ELOVL6: variants seen among roughly 807,000 people sequenced by gnomAD.
ELOVL6 encodes the protein ELOVL fatty acid elongase 6, also known as very long chain fatty acid elongase 6.
Under a neutral mutation model 31.7 loss-of-function variants are expected in ELOVL6, and 8 were observed. That is an observed-to-expected ratio of 0.25 (90% CI 0.15 to 0.45). The LOEUF is 0.45. Among genes scored for constraint, ELOVL6 ranks in the 20% least tolerant of loss-of-function variants. The pLI is 1.00. For missense variants in ELOVL6, 126 were observed against 326.4 expected (o/e 0.39, Z 4.73); for synonymous variants, 101 against 117.7 (o/e 0.86, Z 0.92).
At position 110,061,314 on chromosome 4, in the gene ELOVL6, A is replaced by G. The variant is rs569112430; in HGVS notation, c.222-1560T>C. On this transcript the variant is annotated intron_variant, in intron 2 of 3. Coordinates refer to ENST00000302274, the MANE Select transcript of ELOVL6 (RefSeq NM_024090.3). Reference sequence around the variant, plus strand: ...CACTCCAGAACTTTCAGACACTTTCAGTTTTCTGCCTCAGGACCTTTGCAT... The same window carrying G: ...CACTCCAGAACTTTCAGACACTTTCGGTTTTCTGCCTCAGGACCTTTGCAT... 1.2e-4 allele frequency among the ~76,000 whole-genome samples: 19 copies of G among 152,210 alleles called. No homozygotes were observed. The East Asian group carries it at 3.5e-3, about 28-fold the overall frequency.
intron 1 of ELOVL6, among the ~76,000 whole-genome samples, chr4:110,163,607 G>T (rs1420055676): frequency 6.6e-6 from 1 of 152,180 alleles, no homozygotes; most frequent in Non-Finnish European, 1.5e-5. Flanking sequence ...AGTATAAAAT[G>T]CTAGAAGGGT....
chr4:110,155,755 G>C (rs1033141200), intron 1 of ELOVL6, among the ~76,000 whole-genome samples: 10 of 151,994 alleles, frequency 6.6e-5, no homozygotes, highest in African/African-American at 2.2e-4. Flanking sequence ...CAACCTCCTC[G>C]TATCTAACAT....
At chr4:110,069,228 C>T (rs922659947) in intron 2 of ELOVL6, among the ~76,000 whole-genome samples, 2 of 151,416 alleles carry the variant, frequency 1.3e-5, no homozygotes, top group East Asian at 3.9e-4. Flanking sequence ...AAACAGAACA[C>T]CTGGTTATAG....
chr4:110,178,825 C>T (rs1759192623), intron 1 of ELOVL6, among the ~76,000 whole-genome samples: 1 of 151,792 alleles, frequency 6.6e-6, no homozygotes, highest in Non-Finnish European at 1.5e-5. Context: ...AGACTCTGTC[C>T]TAAAACAAAC....
chr4:110,084,555 C>CAGATATAT (rs1560815738), intron 2 of ELOVL6, among the ~76,000 whole-genome samples: 6 of 58,324 alleles, frequency 1.0e-4, no homozygotes, highest in African/African-American at 6.1e-4. Flanking sequence ...CACACACACA[C>CAGATATAT]ACACACAGAT....
chr4:110,154,485 C>A (rs1283490919), intron 1 of ELOVL6, among the ~76,000 whole-genome samples: 1 of 152,138 alleles, frequency 6.6e-6, no homozygotes, highest in African/African-American at 2.4e-5. Flanking sequence ...GAACTCCTGG[C>A]CTCATGTGAT....
At chr4:110,135,966 T>C (rs1757798101) in intron 1 of ELOVL6, among the ~76,000 whole-genome samples, 1 of 152,164 alleles carries the variant, frequency 6.6e-6, no homozygotes, top group Non-Finnish European at 1.5e-5. Context: ...AGTAGAAAAA[T>C]GAATTTTTGT....
intron 2 of ELOVL6, among the ~76,000 whole-genome samples, chr4:110,076,379 C>G (rs539707255): frequency 6.6e-6 from 1 of 152,184 alleles, no homozygotes; most frequent in South Asian, 2.1e-4. Flanking sequence ...ATGTTTTAGT[C>G]AAGCACAAAT....
intron 1 of ELOVL6, among the ~76,000 whole-genome samples, chr4:110,160,159 T>C (rs1758591732): frequency 6.6e-6 from 1 of 152,000 alleles, no homozygotes; most frequent in Non-Finnish European, 1.5e-5. Context: ...TTTTTAACAG[T>C]GTATCTTGGA....
chr4:110,129,599 A>T (rs1039123492), intron 1 of ELOVL6, among the ~76,000 whole-genome samples: 7 of 152,242 alleles, frequency 4.6e-5, no homozygotes, highest in African/African-American at 1.7e-4. Context: ...TTTTTAAAAC[A>T]TACAGACTTG....
At chr4:110,071,989 T>C (rs1318190903) in intron 2 of ELOVL6, among the ~76,000 whole-genome samples, 2 of 152,284 alleles carry the variant, frequency 1.3e-5, no homozygotes, top group East Asian at 3.9e-4. Flanking sequence ...CTCACCTGGA[T>C]CCTTTGTATG....
intron 1 of ELOVL6, among the ~76,000 whole-genome samples, chr4:110,118,964 G>A (rs1245827279): frequency 6.6e-6 from 1 of 152,180 alleles, no homozygotes; most frequent in Non-Finnish European, 1.5e-5. Flanking sequence ...GAGAGGCAGA[G>A]GTAGGTGAAT....
chr4:110,083,967 G>C lies in ELOVL6; in HGVS notation c.221+21530C>G, dbSNP rs1402491420. ...ATAACATGTTATATATGATATATAT[G>C]ATATAACATATGCCATATACGATAT... On this transcript the variant is annotated intron_variant, in intron 2 of 3. Transcript: ENST00000302274. Among the ~76,000 whole-genome samples the C allele has an allele frequency of 6.6e-4, 10 of 15,258 alleles. 1 individual carries two copies. Among genetic ancestry groups the C allele is most frequent in the Non-Finnish European group, 9.3e-4 (10 of 10,780 alleles). 10.0% of individuals were successfully genotyped at this position (15,258 alleles called of 152,430 possible). A position where few individuals can be genotyped will look rare whatever the true frequency, so the allele number is the denominator to read the frequency against.
At chr4:110,109,268 A>C (rs901174689) in intron 1 of ELOVL6, among the ~76,000 whole-genome samples, 2 of 152,164 alleles carry the variant, frequency 1.3e-5, no homozygotes, top group Non-Finnish European at 2.9e-5. Flanking sequence ...TTGTTTAATA[A>C]ATTTTAAATG....
In ELOVL6 at chr4:110,090,600, CTTTTTTT is replaced by C. The variant is rs544234717; in HGVS notation, c.221+14890_221+14896del. Reference sequence around the variant, plus strand: ...GGAACTTACAGGAAAGTTTGACTTTCTTTTTTTTTTTTTTTTTTTTCATGAGACGGAG... The same window carrying C: ...GGAACTTACAGGAAAGTTTGACTTTCTTTTTTTTTTTTTCATGAGACGGAG... On this transcript the variant is annotated intron_variant, in intron 2 of 3. Transcript: ENST00000302274. Among the ~76,000 whole-genome samples, 28 of 103,720 alleles carry C rather than the reference CTTTTTTT, an allele frequency of 2.7e-4. 2 individuals carry two copies. In the South Asian group the frequency reaches 8.5e-3, roughly 32 times the overall value. 68.0% of individuals were successfully genotyped at this position (103,720 alleles called of 152,430 possible).
Position 110,198,417 on chromosome 4 carries a change from T to A in ELOVL6, c.-82A>T, listed in dbSNP as rs1247539909. On this transcript the variant is annotated 5_prime_UTR_variant, in exon 1 of 4. Transcript: ENST00000302274. ...AAGCGCTTGATTTCGAGTGTTCTCC[T>A]GTCTGCTTCCCCCACCCACCCCCCT... 4.6e-6 allele frequency: 4 copies of A among 875,088 alleles called. No individual in the cohort carries two copies. Among genetic ancestry groups the A allele is most frequent in the Non-Finnish European group, 7.4e-6 (4 of 542,412 alleles). The allele number at this position is 875,088 out of a possible 1,614,324, so 54.2% of individuals were successfully genotyped here. A position where few individuals can be genotyped will look rare whatever the true frequency, so the allele number is the denominator to read the frequency against.
chr4:110,148,735 T>C (rs955266318), intron 1 of ELOVL6, among the ~76,000 whole-genome samples: 1 of 137,138 alleles, frequency 7.3e-6, no homozygotes, highest in Non-Finnish European at 1.6e-5. Flanking sequence ...TCAAAACATC[T>C]CATGTACCCC....
At chr4:110,117,915 T>G (rs1334465866) in intron 1 of ELOVL6, 6 of 26,196 alleles carry the variant, frequency 2.3e-4, no homozygotes, top group African/African-American at 1.0e-3. Context: ...TATATATATA[T>G]ATATATATAT....
intron 1 of ELOVL6, among the ~76,000 whole-genome samples, chr4:110,136,345 C>T (rs1757808521): frequency 6.6e-6 from 1 of 152,146 alleles, no homozygotes; most frequent in African/African-American, 2.4e-5. Context: ...AGAATTCCTA[C>T]AACTATGGGT....
Sources: allele counts gnomAD v4.1 joint callset (sites outside exome capture counted in the v4.1 genomes callset), GRCh38; gene constraint gnomAD v4.1.1; transcripts MANE v1.5; gene names NCBI Gene and HGNC (gene_info 2026-07-23, HGNC 2026-07-21).